Variants in ANK2 observed in about 807,000 individuals in gnomAD.
ANK2 encodes ankyrin 2, also known as ankyrin-2.
ANK2 carries 83 observed loss-of-function variants against 360.5 expected under a neutral mutation model. The observed-to-expected ratio is 0.23, with a 90% CI of 0.19 to 0.28. The LOEUF (loss-of-function observed/expected upper bound fraction) is 0.28. ANK2 is among the 10% of genes least tolerant of loss of function. The probability of loss-of-function intolerance (pLI) is 1.00; values close to 1 mark genes in which losing one functional copy is unlikely to be tolerated. For missense variants in ANK2, 4,201 were observed against 4,795.7 expected, an observed-to-expected ratio of 0.88 and a Z score of 3.66; for synonymous variants, 1,740 against 1,759.5, an observed-to-expected ratio of 0.99 and a Z score of 0.28.
intron 2 of ANK2, among the ~76,000 whole-genome samples, chr4:112,958,032 G>C (rs1485860573): frequency 6.6e-6 from 1 of 151,850 alleles, no homozygotes; most frequent in Non-Finnish European, 1.5e-5. Flanking sequence ...CTTCCTAGAT[G>C]GGTTGGTGGC....
intron 2 of ANK2, among the ~76,000 whole-genome samples, chr4:112,930,159 T>G (rs1376126887): frequency 6.6e-6 from 1 of 152,100 alleles, no homozygotes; most frequent in Non-Finnish European, 1.5e-5. Flanking sequence ...TTGAATATGT[T>G]TAGGCTGTGT....
At chr4:113,256,766 T>C (rs1334275747) in intron 11 of ANK2, among the ~76,000 whole-genome samples, 3 of 152,230 alleles carry the variant, frequency 2.0e-5, no homozygotes, top group Non-Finnish European at 2.9e-5. Context: ...ATTAGAATCA[T>C]CAAATATTAA....
chr4:113,337,530 G>T (rs555693819), intron 31 of ANK2, among the ~76,000 whole-genome samples: 2 of 152,230 alleles, frequency 1.3e-5, no homozygotes, highest in East Asian at 3.9e-4. Flanking sequence ...CATGGTGTTG[G>T]TATTCAGTAA....
At chr4:113,092,181 A>G (rs2088621323) in intron 1 of ANK2, among the ~76,000 whole-genome samples, 1 of 152,222 alleles carries the variant, frequency 6.6e-6, no homozygotes, top group South Asian at 2.1e-4. Context: ...AAAGATGAAA[A>G]TTACGGTGAG....
At chr4:113,317,578 T>G (rs976907399) in intron 24 of ANK2, 129 bp from the exon 25 acceptor site, 32 of 726,678 alleles carry the variant, frequency 4.4e-5, no homozygotes, top group African/African-American at 1.7e-4. Context: ...CAGAGACTTG[T>G]GTCCCCCTGG....
the ANK2 span, among the ~76,000 whole-genome samples, chr4:112,759,916 C>A: frequency 6.6e-6 from 1 of 152,168 alleles, no homozygotes; most frequent in Admixed American, 6.6e-5. Flanking sequence ...GTAGCTGACA[C>A]TGTAAAAATC....
chr4:113,306,240 A>G (rs1025330374), intron 23 of ANK2, among the ~76,000 whole-genome samples: 2 of 152,328 alleles, frequency 1.3e-5, no homozygotes, highest in African/African-American at 4.8e-5. Context: ...ATCAGGAGCT[A>G]GATATACCTA....
At chr4:112,810,256 C>T in the ANK2 span, among the ~76,000 whole-genome samples, 25,854 of 147,066 alleles carry the variant, frequency 0.18, 2,904 homozygotes, top group East Asian at 0.55. Flanking sequence ...CCTGCCTTGG[C>T]CTCCCAAAGT....
intron 4 of ANK2, among the ~76,000 whole-genome samples, chr4:113,202,525 G>A (rs370326850): frequency 6.6e-6 from 1 of 152,202 alleles, no homozygotes; most frequent in East Asian, 1.9e-4. Flanking sequence ...ATGCAGAATA[G>A]TCTGAAATTA....
rs533913533 is a variant in ANK2, at chr4:113,306,682, A to G, written c.2548+3843A>G. Among the ~76,000 whole-genome samples, 7 of 152,282 alleles carry G rather than the reference A, an allele frequency of 4.6e-5. No homozygotes were observed. The East Asian group carries it at 1.3e-3, about 29-fold the overall frequency. The stretch of plus-strand genomic sequence containing the variant: ...CCCTGTGACACAGGCTGTGGATATC[A>G]TTCCACATATATATATATATTTTCA... On this transcript the variant is annotated intron_variant, in intron 23 of 45. Transcript: ENST00000357077.
intron 24 of ANK2, among the ~76,000 whole-genome samples, chr4:113,315,813 G>GAT (rs1366660855): frequency 6.7e-6 from 1 of 149,494 alleles, no homozygotes; most frequent in Non-Finnish European, 1.5e-5. Context: ...GCAGGAGAAT[G>GAT]GTGAACCTGG....
At chr4:112,905,074 C>T (rs1201776407) in intron 2 of ANK2, among the ~76,000 whole-genome samples, 2 of 152,106 alleles carry the variant, frequency 1.3e-5, no homozygotes, top group African/African-American at 4.8e-5. Context: ...TGTAAAAATT[C>T]TTAGTCTATT....
At chr4:112,853,065 A>C (rs1476723320) in intron 1 of ANK2, among the ~76,000 whole-genome samples, 1 of 150,332 alleles carries the variant, frequency 6.7e-6, no homozygotes, top group South Asian at 2.1e-4. Context: ...GTGCCACCAC[A>C]TCTGGCTAAT....
chr4:112,727,688 C>A, the ANK2 span, among the ~76,000 whole-genome samples: 1 of 152,088 alleles, frequency 6.6e-6, no homozygotes, highest in Non-Finnish European at 1.5e-5. Context: ...TACAAAGGAT[C>A]GGCTGGGCGC....
Position 113,049,664 on chromosome 4 carries a change from C to T in ANK2, c.-65C>T, listed in dbSNP as rs2066028875. 11 of 1,582,376 alleles carry T rather than the reference C, an allele frequency of 7.0e-6. No individual in the cohort carries two copies. Among genetic ancestry groups the T allele is most frequent in the Non-Finnish European group, 9.5e-6 (11 of 1,162,402 alleles). On this transcript the variant is annotated 5_prime_UTR_variant, in exon 1 of 46. Transcript: ENST00000357077. ...TGCTTTCCTCCAGTAAGTGCATACC[C>T]GCTAGTGGTCTGTACAGGCGGCACG...
At chr4:113,188,625 A>G (rs1426082161) in intron 2 of ANK2, among the ~76,000 whole-genome samples, 2 of 152,206 alleles carry the variant, frequency 1.3e-5, no homozygotes, top group Non-Finnish European at 2.9e-5. Flanking sequence ...GATTATCCAG[A>G]TGACCCAGAA....
At chr4:113,277,788 G>A (rs2153697948) in intron 15 of ANK2, 49 bp from the exon 16 acceptor site, 2 of 1,442,318 alleles carry the variant, frequency 1.4e-6, no homozygotes, top group East Asian at 2.3e-5. Context: ...GATTTTTTGA[G>A]GAGTTACAAC....
In ANK2 at chr4:113,356,981, C is replaced by G; in HGVS notation, c.8363C>G (p.Pro2788Arg). The change falls in exon 38 of 46, where the codon CCT (proline) becomes CGT (arginine). Residue 2788 changes from proline to arginine, a missense_variant. Pro to Arg is a moderately radical substitution (Grantham distance 103). Transcript: ENST00000357077. Reference sequence around the variant, plus strand: ...ATGAGTCCTAGCAGCTCAGCTGCTCCTGTCTCTTCAGGTCTACAGAGTCCG... The same window carrying G: ...ATGAGTCCTAGCAGCTCAGCTGCTCGTGTCTCTTCAGGTCTACAGAGTCCG... ...EAMSPSSSAA[P>R]VSSGLQSPTG... 6.2e-7 allele frequency: 1 copy of G among 1,614,058 alleles called. No homozygotes were observed. The highest frequency in any genetic ancestry group is 8.5e-7 in the Non-Finnish European group (1 of 1,179,970).
At chr4:112,844,680 G>A (rs963445633) in intron 1 of ANK2, among the ~76,000 whole-genome samples, 3 of 152,220 alleles carry the variant, frequency 2.0e-5, no homozygotes, top group African/African-American at 7.2e-5. Flanking sequence ...GGTTTGGAAA[G>A]TAAAATGGAT....
Sources: gnomAD v4.1 joint callset for allele counts (sites outside exome capture counted in the v4.1 genomes callset) on GRCh38, gnomAD v4.1.1 for gene constraint, MANE v1.5 for transcripts, NCBI Gene and HGNC (gene_info 2026-07-23, HGNC 2026-07-21) for gene names.